The following USP22 variants were observed in gnomAD, a reference collection of about 807,000 sequenced individuals.
The protein encoded by USP22 is ubiquitin specific peptidase 22.
USP22 carries 22 observed loss-of-function variants against 68.1 expected under a neutral mutation model. That is an observed-to-expected ratio of 0.32 (90% CI 0.23 to 0.46). The LOEUF is 0.46. Ranked by LOEUF, USP22 falls within the 20% of genes least tolerant of loss-of-function variation. The probability of loss-of-function intolerance (pLI) is 1.00; values close to 1 mark genes in which losing one functional copy is unlikely to be tolerated. For synonymous variants in USP22, 279 were observed against 274.2 expected, an observed-to-expected ratio of 1.02 and a Z score of -0.17; for missense variants, 433 against 695.8, an observed-to-expected ratio of 0.62 and a Z score of 4.25.
chr17:21,041,560 T>G (rs1248499654), intron 1 of USP22, among the ~76,000 whole-genome samples: 2 of 152,182 alleles, frequency 1.3e-5, no homozygotes, highest in Non-Finnish European at 2.9e-5. Flanking sequence ...ATCGCGCCAC[T>G]GCACTCCAGC....
intron 1 of USP22, among the ~76,000 whole-genome samples, chr17:21,038,363 A>G (rs1408797619): frequency 6.6e-6 from 1 of 152,206 alleles, no homozygotes; most frequent in Non-Finnish European, 1.5e-5. Context: ...TGAGCCAGTA[A>G]AGACAGACTG....
At chr17:21,025,533 T>C (rs66487709) in intron 2 of USP22, among the ~76,000 whole-genome samples, 35,157 of 152,106 alleles carry the variant, frequency 0.23, 4,770 homozygotes, top group Middle Eastern at 0.32. Context: ...CATGTCCCCC[T>C]AGAATTACAC....
At chr17:21,020,228 T>G (rs7226285) in intron 3 of USP22, among the ~76,000 whole-genome samples, 2,193 of 86,152 alleles carry the variant, frequency 0.025, 47 homozygotes, top group African/African-American at 0.081. Flanking sequence ...TATGAGCATC[T>G]GTCAGAATCA....
chr17:21,012,027 T>C (rs1279581423), intron 7 of USP22, among the ~76,000 whole-genome samples: 6 of 152,178 alleles, frequency 3.9e-5, no homozygotes, highest in Non-Finnish European at 8.8e-5. Context: ...CACTGGCCTT[T>C]CCCGATATTT....
At chr17:21,038,027 TATGA>T (rs2143652825) in intron 1 of USP22, among the ~76,000 whole-genome samples, 1 of 152,326 alleles carries the variant, frequency 6.6e-6, no homozygotes, top group South Asian at 2.1e-4. Flanking sequence ...CCCCACTTAG[TATGA>T]ATGGTGTAAT....
chr17:21,026,867 T>C (rs1972227206), intron 2 of USP22, among the ~76,000 whole-genome samples: 1 of 150,672 alleles, frequency 6.6e-6, no homozygotes, highest in Admixed American at 6.6e-5. Flanking sequence ...AGTGGTGCGA[T>C]CTCGGCTCAC....
chr17:21,018,607 G>A (rs1283486103), intron 4 of USP22, among the ~76,000 whole-genome samples: 1 of 152,088 alleles, frequency 6.6e-6, no homozygotes, highest in Non-Finnish European at 1.5e-5. Context: ...AGCTACTTGG[G>A]AGGCTGAGGT....
chr17:21,000,118 T>G lies in USP22; in HGVS notation c.*2913A>C, dbSNP rs936884833. The stretch of plus-strand genomic sequence containing the variant: ...AGCATCTCCAAAATGCAGGCCATTT[T>G]AACACTGCTGTGAATGTGCTGGGGT... On this transcript the variant is annotated 3_prime_UTR_variant, in exon 13 of 13. Coordinates refer to ENST00000261497, the MANE Select transcript of USP22 (RefSeq NM_015276.2). 6.6e-6 allele frequency: 1 copy of G among 152,208 alleles called. No homozygotes were observed. The highest frequency in any genetic ancestry group is 1.5e-5 in the Non-Finnish European group (1 of 68,058). The allele number at this position is 152,208 out of a possible 1,614,324, so 9.4% of individuals were successfully genotyped here. A position where few individuals can be genotyped will look rare whatever the true frequency, so the allele number is the denominator to read the frequency against.
intron 6 of USP22, among the ~76,000 whole-genome samples, chr17:21,013,233 T>C (rs1372688021): frequency 6.6e-6 from 1 of 152,166 alleles, no homozygotes; most frequent in African/African-American, 2.4e-5. Flanking sequence ...TCGATTCCCA[T>C]TATCATATAA....
chr17:21,016,013 C>A, intron 5 of USP22, 114 bp from the exon 6 acceptor site: 1 of 1,347,056 alleles, frequency 7.4e-7, no homozygotes, highest in Non-Finnish European at 9.9e-7. Flanking sequence ...GCTCATTTGA[C>A]ACAAATGTTT....
intron 12 of USP22, among the ~76,000 whole-genome samples, chr17:21,003,945 G>A (rs1597686393): frequency 2.0e-5 from 3 of 149,716 alleles, no homozygotes; most frequent in African/African-American, 4.9e-5. Context: ...TTCAGTTCAC[G>A]CAGTTAAAAA....
At chr17:21,031,307 G>T (rs1028678199) in intron 1 of USP22, among the ~76,000 whole-genome samples, 8 of 152,186 alleles carry the variant, frequency 5.3e-5, no homozygotes, top group African/African-American at 1.9e-4. Context: ...CTATACTACA[G>T]TTAATTGAGT....
At chr17:21,020,936 CCT>C (rs536414239) in intron 3 of USP22, among the ~76,000 whole-genome samples, 175 bp downstream of exon 3, 17 of 152,324 alleles carry the variant, frequency 1.1e-4, no homozygotes, top group African/African-American at 3.4e-4. Context: ...AGCCACCTCC[CCT>C]GTCATGCAGA....
At chr17:21,006,444 T>C (rs1913780586) in intron 10 of USP22, 1 of 152,048 alleles carries the variant, frequency 6.6e-6, no homozygotes, top group South Asian at 2.1e-4. Flanking sequence ...TAACATGTGC[T>C]GTATCTTAAG....
chr17:21,025,390 G>A (rs1267107134), intron 2 of USP22, among the ~76,000 whole-genome samples: 4 of 152,138 alleles, frequency 2.6e-5, no homozygotes, highest in Non-Finnish European at 4.4e-5. Context: ...GAACAAACTG[G>A]AAAGCTTGTC....
chr17:21,028,770 T>C (rs1196846595), intron 1 of USP22, 96 bp from the exon 2 acceptor site: 2 of 1,442,622 alleles, frequency 1.4e-6, no homozygotes, highest in Admixed American at 4.8e-5. Context: ...AGACAGCTAC[T>C]GGAAGAAAGG....
At chr17:21,037,471 G>A (rs541837939) in intron 1 of USP22, among the ~76,000 whole-genome samples, 1 of 152,302 alleles carries the variant, frequency 6.6e-6, no homozygotes, top group African/African-American at 2.4e-5. Flanking sequence ...ACGGGAATGA[G>A]AAGGGCACTT....
chr17:21,007,671 G>T (rs16962375), intron 9 of USP22, among the ~76,000 whole-genome samples, 199 bp downstream of exon 9: 28,150 of 152,124 alleles, frequency 0.19, 2,932 homozygotes, highest in South Asian at 0.25. Context: ...CGAAGCCACT[G>T]ATTTTGTTTA....
intron 10 of USP22, 27 bp from the exon 11 acceptor site, chr17:21,005,017 C>T (rs968961852): frequency 1.9e-6 from 3 of 1,613,022 alleles, no homozygotes; most frequent in Non-Finnish European, 1.7e-6. Context: ...CAGGATTCAG[C>T]ATCATTAAAA....
Sources: gnomAD v4.1 joint callset for allele counts (sites outside exome capture counted in the v4.1 genomes callset) on GRCh38, gnomAD v4.1.1 for gene constraint, MANE v1.5 for transcripts, NCBI Gene and HGNC (gene_info 2026-07-23, HGNC 2026-07-21) for gene names.